Variants in XPA observed in about 807,000 individuals in gnomAD.
XPA encodes DNA repair protein complementing XP-A cells.
In XPA, 27 loss-of-function variants were observed where a neutral mutation model predicts 35.7. The observed-to-expected ratio is 0.76, with a 90% CI of 0.56 to 1.04. The LOEUF is 1.04. XPA is among the 50% of genes least tolerant of loss of function. XPA has a pLI of 0.00. For synonymous variants in XPA, 133 were observed against 118.4 expected (o/e 1.12, Z -0.80); for missense variants, 354 against 342.7 (o/e 1.03, Z -0.26).
chr9:97,675,138 T>G lies in XPA; in HGVS notation c.*301A>C, dbSNP rs757995180. 4 of 563,386 alleles carry G rather than the reference T, an allele frequency of 7.1e-6. No individual in the cohort carries two copies. Among genetic ancestry groups the G allele is most frequent in the Non-Finnish European group, 1.3e-5 (4 of 296,908 alleles). 34.9% of individuals were successfully genotyped at this position (563,386 alleles called of 1,614,324 possible). On this transcript the variant is annotated 3_prime_UTR_variant, in exon 6 of 6. Coordinates refer to ENST00000375128, the MANE Select transcript of XPA (RefSeq NM_000380.4). The stretch of plus-strand genomic sequence containing the variant: ...CCCCAATCTAGGGTTTGCCTTGGTA[T>G]CTTGTCCTCAAATTTGTAGCTGACC...
At chr9:97,682,054 C>A (rs1403859029) in intron 5 of XPA, 3 of 219,612 alleles carry the variant, frequency 1.4e-5, no homozygotes, top group Non-Finnish European at 2.5e-5. Flanking sequence ...TTGTCTTTCA[C>A]CTTATTTTTA....
At chr9:97,657,928 T>TA in the XPA span, among the ~76,000 whole-genome samples, 10 of 63,220 alleles carry the variant, frequency 1.6e-4, no homozygotes, top group East Asian at 3.0e-4. Flanking sequence ...ATATATATAT[T>TA]TTTTTTTTTT....
At chr9:97,677,766 C>T (rs1828413338) in intron 5 of XPA, among the ~76,000 whole-genome samples, 1 of 148,240 alleles carries the variant, frequency 6.7e-6, no homozygotes, top group African/African-American at 2.6e-5. Flanking sequence ...TTTTTTTACC[C>T]TTCTTTCCCT....
chr9:97,666,678 A>T, the XPA span: 1 of 850,750 alleles, frequency 1.2e-6, no homozygotes, highest in Non-Finnish European at 1.8e-6. Flanking sequence ...ATCAGCTGTT[A>T]AGAATGAAAT....
the XPA span, chr9:97,669,032 G>T: frequency 6.7e-7 from 1 of 1,481,680 alleles, no homozygotes; most frequent in Non-Finnish European, 9.1e-7. Context: ...TTTAGTTTTA[G>T]TTTTTAAAAA....
downstream of XPA, chr9:97,671,035 T>C (rs1564032283): frequency 8.2e-7 from 1 of 1,217,700 alleles, no homozygotes. Flanking sequence ...TTCCACAAGA[T>C]TGCTTATATG....
chr9:97,658,381 T>A, the XPA span, among the ~76,000 whole-genome samples: 3 of 152,208 alleles, frequency 2.0e-5, no homozygotes, highest in African/African-American at 7.2e-5. Flanking sequence ...CCATGCCCCA[T>A]CATCACCCCA....
At chr9:97,664,534 C>A in the XPA span, 3 of 839,074 alleles carry the variant, frequency 3.6e-6, no homozygotes, top group East Asian at 2.6e-5. Flanking sequence ...TGGTCCAAAC[C>A]AGGTTGATAT....
the XPA span, among the ~76,000 whole-genome samples, chr9:97,657,885 G>GCGCTCTCTCTCTCTCT: frequency 4.4e-5 from 5 of 114,018 alleles, no homozygotes; most frequent in African/African-American, 1.8e-4. Context: ...GCCCCGGTAA[G>GCGCTCTCTCTCTCTCT]CTCTCTCTCT....
At chr9:97,661,203 C>A in the XPA span, 2 of 996,222 alleles carry the variant, frequency 2.0e-6, no homozygotes, top group East Asian at 2.9e-5. Flanking sequence ...TTGTTCTTAG[C>A]ACCCCAGGTA....
intron 5 of XPA, among the ~76,000 whole-genome samples, chr9:97,678,618 A>C (rs1828443748): frequency 6.6e-6 from 1 of 152,246 alleles, no homozygotes; most frequent in Non-Finnish European, 1.5e-5. Flanking sequence ...TAAATGCAGA[A>C]GGAATGCTGG....
At chr9:97,688,452 G>C (rs1828785526) in intron 3 of XPA, among the ~76,000 whole-genome samples, 1 of 152,142 alleles carries the variant, frequency 6.6e-6, no homozygotes, top group African/African-American at 2.4e-5. Context: ...CCCATCTCGA[G>C]GTCTTTAACC....
chr9:97,662,976 C>T, the XPA span: 1 of 1,613,058 alleles, frequency 6.2e-7, no homozygotes, highest in Non-Finnish European at 8.5e-7. Context: ...CTTCAAAACC[C>T]TAGCTGAAAG....
At chr9:97,654,576 AAAG>A in the XPA span, among the ~76,000 whole-genome samples, 2,114 of 152,072 alleles carry the variant, frequency 0.014, 98 homozygotes, top group East Asian at 0.13. Context: ...AAAAAAAAAA[AAAG>A]AAGCAATTTC....
chr9:97,685,877 A>G (rs1362462950), intron 4 of XPA, among the ~76,000 whole-genome samples: 1 of 152,240 alleles, frequency 6.6e-6, no homozygotes, highest in Non-Finnish European at 1.5e-5. Context: ...AAGTTTAGGA[A>G]TACCTTCATA....
In XPA at chr9:97,675,033, A is replaced by G; in HGVS notation, c.*406T>C. On this transcript the variant is annotated 3_prime_UTR_variant, in exon 6 of 6. Coordinates refer to ENST00000375128, the MANE Select transcript of XPA (RefSeq NM_000380.4). ...AAAACACATGACTAGAACCTGGGGT[A>G]CAGTGGTGCACCACCATTGCTATTA... The G allele has an allele frequency of 1.9e-6, 1 of 528,734 alleles. No individual in the cohort carries two copies. Among genetic ancestry groups the G allele is most frequent in the Non-Finnish European group, 3.7e-6 (1 of 273,016 alleles). 32.8% of individuals were successfully genotyped at this position (528,734 alleles called of 1,614,324 possible).
At chr9:97,662,338 T>C in the XPA span, among the ~76,000 whole-genome samples, 6 of 152,224 alleles carry the variant, frequency 3.9e-5, no homozygotes, top group Non-Finnish European at 7.3e-5. Flanking sequence ...ACAGTTGGCA[T>C]ATGTACATGG....
the XPA span, chr9:97,668,695 T>G: frequency 1.4e-6 from 1 of 739,178 alleles, no homozygotes; most frequent in Non-Finnish European, 2.1e-6. Context: ...CTTTGAGGTA[T>G]ATATGTGTGG....
At chr9:97,671,209 T>C, downstream of XPA, 1 of 1,553,008 alleles carries the variant, frequency 6.4e-7, no homozygotes, top group Non-Finnish European at 8.8e-7. Flanking sequence ...AGGGTCATTT[T>C]TTCCTCATGT....
Sources: allele counts gnomAD v4.1 joint callset (sites outside exome capture counted in the v4.1 genomes callset), GRCh38; gene constraint gnomAD v4.1.1; transcripts MANE v1.5; gene names NCBI Gene and HGNC (gene_info 2026-07-23, HGNC 2026-07-21).